PDZRN3: variants seen among roughly 807,000 people sequenced by gnomAD.
PDZRN3 encodes the protein E3 ubiquitin-protein ligase PDZRN3.
In PDZRN3, 38 loss-of-function variants were observed where a neutral mutation model predicts 85.7. The observed-to-expected ratio is 0.44, with a 90% CI of 0.34 to 0.58. The LOEUF (loss-of-function observed/expected upper bound fraction) is 0.58. Among genes scored for constraint, PDZRN3 ranks in the 20% least tolerant of loss-of-function variants. The probability of loss-of-function intolerance (pLI) is 0.01; values close to 1 mark genes in which losing one functional copy is unlikely to be tolerated. For missense variants in PDZRN3, 1,629 were observed against 1,506.4 expected, an observed-to-expected ratio of 1.08 and a Z score of -1.35; for synonymous variants, 759 against 638.0, an observed-to-expected ratio of 1.19 and a Z score of -2.86.
intron 3 of PDZRN3, among the ~76,000 whole-genome samples, chr3:73,559,352 C>A (rs964142495): frequency 6.6e-6 from 1 of 152,218 alleles, no homozygotes; most frequent in Admixed American, 6.5e-5. Context: ...AAAGGGGCAA[C>A]AAAACCCCTC....
At chr3:73,474,473 A>G (rs1286013853) in intron 3 of PDZRN3, 1 of 1,286,474 alleles carries the variant, frequency 7.8e-7, no homozygotes, top group African/African-American at 1.5e-5. Flanking sequence ...ATCTTCCACC[A>G]TGGGGTTTAT....
chr3:73,577,343 C>T (rs1029070857), intron 3 of PDZRN3, among the ~76,000 whole-genome samples: 2 of 152,168 alleles, frequency 1.3e-5, no homozygotes, highest in African/African-American at 4.8e-5. Flanking sequence ...CAACCCCACA[C>T]GTAATCAGAG....
At chr3:73,453,685 T>A (rs1170662589) in intron 3 of PDZRN3, among the ~76,000 whole-genome samples, 1 of 152,128 alleles carries the variant, frequency 6.6e-6, no homozygotes, top group African/African-American at 2.4e-5. Flanking sequence ...AAAACACAGT[T>A]TGAAAAACTC....
At chr3:73,579,148 C>T (rs1300013000) in intron 3 of PDZRN3, among the ~76,000 whole-genome samples, 1 of 152,106 alleles carries the variant, frequency 6.6e-6, no homozygotes, top group African/African-American at 2.4e-5. Flanking sequence ...CTAGGATTAG[C>T]GCCCTTTCAA....
intron 3 of PDZRN3, among the ~76,000 whole-genome samples, chr3:73,499,871 A>G (rs1167610004): frequency 7.2e-5 from 11 of 152,186 alleles, no homozygotes; most frequent in Admixed American, 7.2e-4. Flanking sequence ...CTACCTCTAC[A>G]TTATTGTGAT....
At chr3:73,469,027 CTGA>C (rs150598951) in intron 3 of PDZRN3, among the ~76,000 whole-genome samples, 3,254 of 151,910 alleles carry the variant, frequency 0.021, 48 homozygotes, top group Non-Finnish European at 0.034. Flanking sequence ...ACTAGGCATT[CTGA>C]TGCTACCAAA....
At chr3:73,433,959 C>T (rs188983780) in intron 3 of PDZRN3, 48 of 1,335,214 alleles carry the variant, frequency 3.6e-5, no homozygotes, top group East Asian at 2.5e-4. Context: ...CAGACATACA[C>T]GCACACCACT....
In PDZRN3 at chr3:73,383,250, A is replaced by G. The variant is rs1703287460; in HGVS notation, c.*115T>C. 2 of 1,005,454 alleles carry G rather than the reference A, an allele frequency of 2.0e-6. No homozygotes were observed. The highest frequency in any genetic ancestry group is 4.8e-5 in the Admixed American group (2 of 41,238). 62.3% of individuals were successfully genotyped at this position (1,005,454 alleles called of 1,614,324 possible). ...GTTGTAGGGTTTGCAAATTTGGACT[A>G]TAAACATGAAGACCGTACTTATCTT... On this transcript the variant is annotated 3_prime_UTR_variant, in exon 10 of 10. Coordinates refer to ENST00000263666, the MANE Select transcript of PDZRN3 (RefSeq NM_015009.3).
intron 5 of PDZRN3, among the ~76,000 whole-genome samples, chr3:73,400,150 T>C (rs1701719965): frequency 6.6e-6 from 1 of 152,218 alleles, no homozygotes; most frequent in African/African-American, 2.4e-5. Context: ...TCAGGTGTCT[T>C]TTTACCTTAT....
At chr3:73,532,599 A>G (rs1443408310) in intron 3 of PDZRN3, among the ~76,000 whole-genome samples, 4 of 152,204 alleles carry the variant, frequency 2.6e-5, no homozygotes, top group Admixed American at 2.6e-4. Context: ...TACCTTGTCT[A>G]AGTTTTCACA....
At chr3:73,563,014 T>TATATATATATATATATATATATATA (rs1491432587) in intron 3 of PDZRN3, among the ~76,000 whole-genome samples, 4 of 20,290 alleles carry the variant, frequency 2.0e-4, no homozygotes, top group African/African-American at 5.3e-4. Flanking sequence ...TATATATATA[T>TATATATATATATATATATATATATA]TTTTTTTTTT....
chr3:73,527,170 G>A (rs1704543900), intron 3 of PDZRN3, among the ~76,000 whole-genome samples: 1 of 152,098 alleles, frequency 6.6e-6, no homozygotes, highest in Non-Finnish European at 1.5e-5. Context: ...GTGAAATGGG[G>A]ACAATATAAC....
At chr3:73,558,686 T>C (rs538362609) in intron 3 of PDZRN3, among the ~76,000 whole-genome samples, 1 of 152,244 alleles carries the variant, frequency 6.6e-6, no homozygotes, top group Non-Finnish European at 1.5e-5. Flanking sequence ...GAGAATCCAT[T>C]CCAAGACAAA....
chr3:73,404,474 T>A, intron 3 of PDZRN3, 79 bp from the exon 4 acceptor site: 1 of 1,444,102 alleles, frequency 6.9e-7, no homozygotes, highest in Non-Finnish European at 9.4e-7. Context: ...TTGCCTGCTT[T>A]CATGTGTAAG....
At position 73,461,917 on chromosome 3, in the gene PDZRN3, A is replaced by AT. The variant is rs1703112377; in HGVS notation, c.919-57523_919-57522insA. 2.0e-5 allele frequency among the ~76,000 whole-genome samples: 3 copies of AT among 152,324 alleles called. No individual in the cohort carries two copies. The South Asian group carries it at 6.2e-4, about 32-fold the overall frequency. ...CATCTCCCAGATACTCTCGGGTGAC[A>AT]CTGTAGCTAGAGTAATGAAGAAAAT... is the stretch of plus-strand genomic sequence containing the variant. On this transcript the variant is annotated intron_variant, in intron 3 of 9. Transcript: ENST00000263666.
In PDZRN3 at chr3:73,469,673, C is replaced by T. The variant is rs113886658; in HGVS notation, c.919-65278G>A. 2.9e-3 allele frequency among the ~76,000 whole-genome samples: 441 copies of T among 152,300 alleles called. 2 individuals are homozygous for T. The highest frequency in any genetic ancestry group is 9.7e-3 in the African/African-American group (402 of 41,562). ...CAACACAATACCCCAGGGCAATGTA[C>T]TCATCAAACGCTTATTGACTTAAGC... is the stretch of plus-strand genomic sequence containing the variant. On this transcript the variant is annotated intron_variant, in intron 3 of 9. Transcript: ENST00000263666.
chr3:73,410,914 A>C (rs1349260957), intron 3 of PDZRN3, among the ~76,000 whole-genome samples: 2 of 152,232 alleles, frequency 1.3e-5, no homozygotes, highest in African/African-American at 4.8e-5. Context: ...ACATTTTTGC[A>C]TCACCTTACA....
At chr3:73,398,314 C>A (rs142911882) in intron 5 of PDZRN3, among the ~76,000 whole-genome samples, 1 of 152,304 alleles carries the variant, frequency 6.6e-6, no homozygotes, top group Non-Finnish European at 1.5e-5. Flanking sequence ...GAATGAAAGG[C>A]ACCACAAAAG....
intron 3 of PDZRN3, among the ~76,000 whole-genome samples, chr3:73,541,180 T>C (rs1704912733): frequency 6.6e-6 from 1 of 152,222 alleles, no homozygotes; most frequent in East Asian, 1.9e-4. Context: ...AAAGTATGAC[T>C]CACCTGTGGT....
Sources: gnomAD v4.1 joint callset for allele counts (sites outside exome capture counted in the v4.1 genomes callset) on GRCh38, gnomAD v4.1.1 for gene constraint, MANE v1.5 for transcripts, NCBI Gene and HGNC (gene_info 2026-07-23, HGNC 2026-07-21) for gene names.